Variants in GRK5 observed in about 807,000 individuals in gnomAD.
GRK5 encodes g protein-coupled receptor kinase GRK5.
GRK5 carries 40 observed loss-of-function variants against 78.4 expected under a neutral mutation model. That is an observed-to-expected ratio of 0.51 (90% CI 0.40 to 0.66). GRK5 has a LOEUF of 0.66. Ranked by LOEUF, GRK5 falls within the 30% of genes least tolerant of loss-of-function variation. The pLI, the probability that GRK5 is intolerant of heterozygous loss-of-function variation, is 0.00. For synonymous variants in GRK5, 289 were observed against 296.8 expected, an observed-to-expected ratio of 0.97 and a Z score of 0.27; for missense variants, 598 against 759.9, an observed-to-expected ratio of 0.79 and a Z score of 2.50.
chr10:119,441,812 T>C (rs1440415911), intron 10 of GRK5, among the ~76,000 whole-genome samples, 187 bp from the exon 11 acceptor site: 1 of 152,230 alleles, frequency 6.6e-6, no homozygotes, highest in East Asian at 1.9e-4. Flanking sequence ...GGCATTTTCC[T>C]GTGTCCTCCC....
chr10:119,452,851 G>A lies in GRK5; in HGVS notation c.1542+43G>A, dbSNP rs41287138. Reference sequence around the variant, plus strand: ...CTTGCTTTGGTCTGGGTGGGAGGGAGGGACTGACGGGTGGAAGGAGGCGTC... The same window carrying A: ...CTTGCTTTGGTCTGGGTGGGAGGGAAGGACTGACGGGTGGAAGGAGGCGTC... On this transcript the variant is annotated intron_variant, in intron 14 of 15. Coordinates refer to ENST00000392870, the MANE Select transcript of GRK5 (RefSeq NM_005308.3). The surrounding 1 kb of genome is among the most constrained non-coding windows in gnomAD (Gnocchi z 4.4). The A allele has an allele frequency of 1.9e-6, 3 of 1,569,206 alleles. No individual in the cohort carries two copies. The highest frequency in any genetic ancestry group is 2.6e-6 in the Non-Finnish European group (3 of 1,144,970).
chr10:119,356,635 C>G (rs569281794), intron 2 of GRK5, among the ~76,000 whole-genome samples: 8 of 152,264 alleles, frequency 5.3e-5, no homozygotes, highest in African/African-American at 1.9e-4. Context: ...GCTTTGGGCT[C>G]TTCCAGTTCC....
intron 6 of GRK5, among the ~76,000 whole-genome samples, chr10:119,426,279 C>A (rs1361085129): frequency 6.6e-6 from 1 of 152,262 alleles, no homozygotes; most frequent in Admixed American, 6.5e-5. Flanking sequence ...TGGGTGGTTT[C>A]TCTCCACCTG....
rs1589821632 is a variant in GRK5 at position 119,458,786 on chromosome 10, T to TC, written c.*3723dup. 1 of 152,096 alleles carries TC rather than the reference T, an allele frequency of 6.6e-6. No individual in the cohort carries two copies. 9.4% of individuals were successfully genotyped at this position (152,096 alleles called of 1,614,324 possible). On this transcript the variant is annotated 3_prime_UTR_variant, in exon 16 of 16. Coordinates refer to ENST00000392870, the MANE Select transcript of GRK5 (RefSeq NM_005308.3). ...TTCTCTTCCTCCACACCCTGTCCTT[T>TC]CCCCAAAGGCTCGTGTTATCAGTTC...
intron 4 of GRK5, among the ~76,000 whole-genome samples, chr10:119,414,434 C>A (rs1368915292): frequency 6.6e-6 from 1 of 152,172 alleles, no homozygotes; most frequent in East Asian, 1.9e-4. Flanking sequence ...CACCATTGGT[C>A]AAAACACACA....
At chr10:119,341,931 C>T (rs937121403) in intron 2 of GRK5, among the ~76,000 whole-genome samples, 4 of 152,170 alleles carry the variant, frequency 2.6e-5, no homozygotes, top group African/African-American at 9.7e-5. Flanking sequence ...GAGAGAGATT[C>T]CTAGTTGCAC....
At chr10:119,426,977 GCCATCAACATCACCA>G (rs1223005252) in intron 6 of GRK5, among the ~76,000 whole-genome samples, 8 of 53,240 alleles carry the variant, frequency 1.5e-4, no homozygotes, top group Admixed American at 1.5e-3. Context: ...CAGCATCACC[GCCATCAACATCACCA>G]CCATCAACAG....
At chr10:119,368,796 T>G (rs1451367384) in intron 2 of GRK5, among the ~76,000 whole-genome samples, 1 of 152,238 alleles carries the variant, frequency 6.6e-6, no homozygotes, top group Non-Finnish European at 1.5e-5. Flanking sequence ...GGCCCAGCCT[T>G]GCCTCCGCCC....
At chr10:119,416,295 A>G (rs1454672837) in intron 4 of GRK5, among the ~76,000 whole-genome samples, 1 of 152,262 alleles carries the variant, frequency 6.6e-6, no homozygotes, top group Non-Finnish European at 1.5e-5. Flanking sequence ...CAGTGCCGGG[A>G]GAGCAGGTGC....
intron 1 of GRK5, among the ~76,000 whole-genome samples, chr10:119,242,933 T>G (rs1014162844): frequency 6.6e-6 from 1 of 152,126 alleles, no homozygotes; most frequent in Non-Finnish European, 1.5e-5. Context: ...GCAGTTCTTA[T>G]AGCAATGTGA....
At chr10:119,220,066 G>T (rs1051146660) in intron 1 of GRK5, among the ~76,000 whole-genome samples, 113 of 152,314 alleles carry the variant, frequency 7.4e-4, no homozygotes, top group African/African-American at 2.7e-3. Context: ...AGGGAGGCTG[G>T]ATCCAATTAA....
intron 4 of GRK5, among the ~76,000 whole-genome samples, chr10:119,410,647 C>T (rs1478467515): frequency 6.6e-6 from 1 of 152,114 alleles, no homozygotes; most frequent in Non-Finnish European, 1.5e-5. Flanking sequence ...CTGCTGTCTG[C>T]CTGTGATCCT....
At chr10:119,356,642 T>C (rs1000748948) in intron 2 of GRK5, among the ~76,000 whole-genome samples, 1 of 152,140 alleles carries the variant, frequency 6.6e-6, no homozygotes, top group African/African-American at 2.4e-5. Context: ...GCTCTTCCAG[T>C]TCCTCTTCTG....
chr10:119,249,367 T>C (rs534376514), intron 1 of GRK5, among the ~76,000 whole-genome samples: 1 of 152,378 alleles, frequency 6.6e-6, no homozygotes, highest in African/African-American at 2.4e-5. Context: ...ATATCATATG[T>C]AGAATACCTA....
At chr10:119,333,343 GTC>G in intron 2 of GRK5, 1 of 186,740 alleles carries the variant, frequency 5.4e-6, no homozygotes, top group South Asian at 1.0e-4. Flanking sequence ...CTCAGCCACA[GTC>G]TCACAGCCAC....
intron 1 of GRK5, among the ~76,000 whole-genome samples, chr10:119,240,197 T>TC: frequency 7.7e-6 from 1 of 129,632 alleles, no homozygotes; most frequent in East Asian, 2.1e-4. Context: ...GACTTTTTTT[T>TC]TTTTTTTTTT....
chr10:119,212,629 A>G (rs1848506294), intron 1 of GRK5, among the ~76,000 whole-genome samples: 1 of 152,212 alleles, frequency 6.6e-6, no homozygotes, highest in South Asian at 2.1e-4. Context: ...TTTGTTGCCA[A>G]TATGTTTGGA....
intron 1 of GRK5, chr10:119,208,616 A>G (rs1157461846): frequency 6.6e-6 from 1 of 152,108 alleles, no homozygotes; most frequent in Non-Finnish European, 1.5e-5. Context: ...TGATAACTGA[A>G]ATTGTTAGAT....
chr10:119,452,597 A>T lies in GRK5; in HGVS notation c.1405-74A>T. 6.3e-7 allele frequency: 1 copy of T among 1,579,850 alleles called. No homozygotes were observed. Among genetic ancestry groups the T allele is most frequent in the Non-Finnish European group, 8.6e-7 (1 of 1,157,322 alleles). On this transcript the variant is annotated intron_variant, in intron 13 of 15. Transcript: ENST00000392870. The surrounding 1 kb of genome is among the most constrained non-coding windows in gnomAD (Gnocchi z 4.4). ...GGAAGACTCCCTTCTGCTCCCCAAA[A>T]CCCCAAGGCCTGGCTCGGGGCCACT...
Sources: allele counts gnomAD v4.1 joint callset (sites outside exome capture counted in the v4.1 genomes callset), GRCh38; gene constraint gnomAD v4.1.1; non-coding constraint Gnocchi (gnomAD v3.1); transcripts MANE v1.5; gene names NCBI Gene and HGNC (gene_info 2026-07-23, HGNC 2026-07-21).